MKLN1: variants seen among roughly 807,000 people sequenced by gnomAD.
MKLN1 encodes the protein muskelin.
Under a neutral mutation model 99.0 loss-of-function variants are expected in MKLN1, and 18 were observed. The observed-to-expected ratio is 0.18, with a 90% CI of 0.13 to 0.27. The LOEUF (loss-of-function observed/expected upper bound fraction) is 0.27, where lower values mean the gene tolerates loss of function less well. MKLN1 is among the 10% of genes least tolerant of loss of function. MKLN1 has a pLI of 1.00. For synonymous variants in MKLN1, 288 were observed against 293.2 expected (o/e 0.98, Z 0.18); for missense variants, 621 against 875.9 (o/e 0.71, Z 3.67).
Position 131,485,529 on chromosome 7 carries a change from C to G in MKLN1, c.2087-2078C>G, listed in dbSNP as rs77791463. On this transcript the variant is annotated intron_variant, in intron 17 of 17. Transcript: ENST00000352689. The stretch of plus-strand genomic sequence containing the variant: ...CTCCCTATCAATAGTTTATTAATTA[C>G]AAAGGTAGAAAAGAACACCTTTACC... Among the ~76,000 whole-genome samples the G allele has an allele frequency of 9.5e-3, 1,448 of 152,138 alleles. 11 individuals are homozygous for G. Among genetic ancestry groups the G allele is most frequent in the Non-Finnish European group, 0.016 (1,062 of 67,922 alleles).
chr7:131,185,544 C>T (rs1350576629), intron 2 of MKLN1, among the ~76,000 whole-genome samples: 1 of 151,930 alleles, frequency 6.6e-6, no homozygotes, highest in Non-Finnish European at 1.5e-5. Context: ...CACCACTGCA[C>T]TCCAGCCTGG....
intron 3 of MKLN1, among the ~76,000 whole-genome samples, chr7:131,231,417 C>G (rs1161988432): frequency 1.3e-5 from 2 of 152,120 alleles, no homozygotes; most frequent in Non-Finnish European, 2.9e-5. Flanking sequence ...ACCTGTACAG[C>G]TGTCTTCCCC....
At chr7:131,257,011 C>T (rs1333495723) in intron 3 of MKLN1, among the ~76,000 whole-genome samples, 5 of 152,102 alleles carry the variant, frequency 3.3e-5, no homozygotes, top group African/African-American at 1.2e-4. Context: ...AAGCTCTATA[C>T]ATACATACTT....
In MKLN1 at chr7:131,178,996, T is replaced by C. The variant is rs140508589; in HGVS notation, c.-296-23861T>C. Among the ~76,000 whole-genome samples the C allele has an allele frequency of 5.7e-3, 864 of 152,350 alleles. 5 individuals carry two copies. The highest frequency in any genetic ancestry group is 0.031 in the Middle Eastern group (9 of 294). On this transcript the variant is annotated intron_variant, in intron 2 of 7. Coordinates refer to the MKLN1 transcript ENST00000416992. ...CCTTTCCTTAGACTTACTGGCTTGATCATTTTAAGAAGGTATTTTCTTCTG... is the reference window on the plus strand; with the variant it reads ...CCTTTCCTTAGACTTACTGGCTTGACCATTTTAAGAAGGTATTTTCTTCTG...
At chr7:131,351,746 C>G (rs1300509127) in intron 1 of MKLN1, among the ~76,000 whole-genome samples, 1 of 152,126 alleles carries the variant, frequency 6.6e-6, no homozygotes, top group African/African-American at 2.4e-5. Context: ...AAAGACCACT[C>G]CCTAGGTGGT....
rs59935776 is a variant in MKLN1, at chr7:131,295,547, GA to G, written c.-178-79868del. On this transcript the variant is annotated intron_variant, in intron 3 of 7. Transcript: ENST00000416992. Reference sequence around the variant, plus strand: ...TCTTACAGTTTTATGAGGGAAAAAAGAAAAAAAAAGGCATAAAGAATAGGAA... The same window carrying G: ...TCTTACAGTTTTATGAGGGAAAAAAGAAAAAAAAGGCATAAAGAATAGGAA... Among the ~76,000 whole-genome samples, 96 of 149,446 alleles carry G rather than the reference GA, an allele frequency of 6.4e-4. No individual in the cohort carries two copies. In the South Asian group the frequency reaches 7.1e-3, roughly 11 times the overall value.
At chr7:131,253,649 C>G (rs925659113) in intron 3 of MKLN1, among the ~76,000 whole-genome samples, 1 of 152,162 alleles carries the variant, frequency 6.6e-6, no homozygotes, top group Non-Finnish European at 1.5e-5. Context: ...GGGTCACTGT[C>G]CCTGCCACAG....
At chr7:131,192,186 A>ACTG (rs1436516376) in intron 2 of MKLN1, among the ~76,000 whole-genome samples, 12 of 104,910 alleles carry the variant, frequency 1.1e-4, no homozygotes, top group Non-Finnish European at 1.8e-4. Flanking sequence ...ATAAAAATAT[A>ACTG]TAAAATATAA....
intron 8 of MKLN1, among the ~76,000 whole-genome samples, chr7:131,418,318 G>A (rs1354611788): frequency 6.8e-6 from 1 of 146,944 alleles, no homozygotes; most frequent in East Asian, 2.0e-4. Context: ...GCAGTGAGGC[G>A]AGATTGCGCC....
chr7:131,333,772 A>C (rs570154077), intron 1 of MKLN1, among the ~76,000 whole-genome samples: 1 of 152,170 alleles, frequency 6.6e-6, no homozygotes, highest in Non-Finnish European at 1.5e-5. Context: ...TCCTGACCTC[A>C]GGTGATCCGC....
chr7:131,165,951 C>CA (rs1366768282), intron 2 of MKLN1, among the ~76,000 whole-genome samples: 1 of 152,086 alleles, frequency 6.6e-6, no homozygotes, highest in African/African-American at 2.4e-5. Flanking sequence ...CCCATCTCTA[C>CA]AAAAAATACA....
intron 8 of MKLN1, among the ~76,000 whole-genome samples, chr7:131,418,410 T>C (rs1043908360): frequency 2.1e-5 from 3 of 140,258 alleles, no homozygotes; most frequent in Non-Finnish European, 4.6e-5. Flanking sequence ...AAATCAGGGG[T>C]GTTCAATCTT....
chr7:131,227,141 C>T (rs1213766329), intron 3 of MKLN1, among the ~76,000 whole-genome samples: 1 of 152,140 alleles, frequency 6.6e-6, no homozygotes, highest in Non-Finnish European at 1.5e-5. Context: ...TCCTGTAACC[C>T]GTTTCTTTCC....
intron 10 of MKLN1, among the ~76,000 whole-genome samples, chr7:131,443,278 A>G (rs1032361852): frequency 2.0e-5 from 3 of 152,222 alleles, no homozygotes; most frequent in African/African-American, 7.2e-5. Context: ...TTATTCCAAC[A>G]TGTTTTTACC....
chr7:131,260,957 C>T (rs1797724140), intron 3 of MKLN1, among the ~76,000 whole-genome samples: 1 of 152,288 alleles, frequency 6.6e-6, no homozygotes, highest in Non-Finnish European at 1.5e-5. Context: ...AAGATTGAAG[C>T]TGGACTCCTT....
chr7:131,439,423 G>A (rs1795764368), intron 10 of MKLN1, among the ~76,000 whole-genome samples: 1 of 152,028 alleles, frequency 6.6e-6, no homozygotes, highest in Admixed American at 6.6e-5. Flanking sequence ...AATAATGCAT[G>A]GTTTTCAACT....
intron 3 of MKLN1, among the ~76,000 whole-genome samples, chr7:131,314,401 A>C (rs1798624915): frequency 1.3e-5 from 2 of 152,072 alleles, no homozygotes; most frequent in Non-Finnish European, 2.9e-5. Flanking sequence ...CAGCAGAGAG[A>C]TGGGAGGAGG....
chr7:131,280,913 G>C (rs1021927878), intron 3 of MKLN1, among the ~76,000 whole-genome samples: 2 of 152,168 alleles, frequency 1.3e-5, no homozygotes, highest in Non-Finnish European at 1.5e-5. Flanking sequence ...TTCTTGAGTA[G>C]TAGTAGGGTT....
chr7:131,168,190 T>C (rs1796152507), intron 2 of MKLN1, among the ~76,000 whole-genome samples: 1 of 152,232 alleles, frequency 6.6e-6, no homozygotes, highest in Admixed American at 6.5e-5. Flanking sequence ...TTGTTGGGTA[T>C]CAGTGGTAAG....
Sources: gnomAD v4.1 joint callset for allele counts (sites outside exome capture counted in the v4.1 genomes callset) on GRCh38, gnomAD v4.1.1 for gene constraint, MANE v1.5 for transcripts, NCBI Gene and HGNC (gene_info 2026-07-23, HGNC 2026-07-21) for gene names.